The following ZBED6 variants were observed in gnomAD, a reference collection of about 807,000 sequenced individuals.
ZBED6 encodes the protein zinc finger BED-type containing 6, also known as zinc finger BED domain-containing protein 6.
ZBED6 carries 40 observed loss-of-function variants against 58.4 expected under a neutral mutation model. That is an observed-to-expected ratio of 0.68 (90% CI 0.53 to 0.89). The LOEUF is 0.89. ZBED6 is among the 40% of genes least tolerant of loss of function. The pLI, the probability that ZBED6 is intolerant of heterozygous loss-of-function variation, is 0.00. For missense variants in ZBED6, 1,057 were observed against 1,003.9 expected, an observed-to-expected ratio of 1.05 and a Z score of -0.71; for synonymous variants, 439 against 350.6, an observed-to-expected ratio of 1.25 and a Z score of -2.82.
chr1:203,804,818 G>A (rs1030435164), intron 1 of ZBED6, among the ~76,000 whole-genome samples: 6 of 151,516 alleles, frequency 4.0e-5, no homozygotes, highest in Middle Eastern at 3.4e-3. Flanking sequence ...GATTACAGGC[G>A]CATGCCACCA....
At chr1:203,805,911 C>G (rs958811989) in intron 1 of ZBED6, 2 of 678,836 alleles carry the variant, frequency 2.9e-6, no homozygotes, top group South Asian at 1.4e-5. Context: ...TTTTCACTTG[C>G]TTGTCTACCT....
intron 7 of ZBED6, among the ~76,000 whole-genome samples, chr1:203,830,578 C>T (rs769179246): frequency 5.3e-4 from 80 of 151,966 alleles, no homozygotes; most frequent in Admixed American, 1.1e-3. Context: ...TTTGGGAGGC[C>T]GAGGAGGGCG....
chr1:203,850,601 C>G, exon 15 of ZBED6: 2 of 1,614,094 alleles, frequency 1.2e-6, no homozygotes, highest in Non-Finnish European at 1.7e-6. Context: ...AGTGGAGATG[C>G]ACGCTGCTGT....
At chr1:203,852,387 G>A in exon 17 of ZBED6, 1 of 1,613,600 alleles carries the variant, frequency 6.2e-7, no homozygotes, top group Non-Finnish European at 8.5e-7. Flanking sequence ...TATCAGAAAT[G>A]ATTGATAGCT....
At chr1:203,828,170 T>TA (rs1681179622) in intron 3 of ZBED6, 129 bp from the exon 4 acceptor site, 1 of 1,083,940 alleles carries the variant, frequency 9.2e-7, no homozygotes, top group Non-Finnish European at 1.3e-6. Flanking sequence ...CTCTTCCTTC[T>TA]AAAAATCATC....
chr1:203,800,098 T>A (rs975828936), exon 1 of ZBED6: 13 of 1,535,994 alleles, frequency 8.5e-6, no homozygotes, highest in Non-Finnish European at 1.1e-5. Context: ...AAAAGCTTCA[T>A]GTTCCCTTCT....
exon 1 of ZBED6, chr1:203,796,147 A>G (rs1668406313): frequency 3.6e-6 from 1 of 279,490 alleles, no homozygotes; most frequent in Admixed American, 5.3e-5. Flanking sequence ...CCGAAAACCG[A>G]CTGTTCCCCC....
At chr1:203,797,967 G>A in exon 1 of ZBED6, 1 of 1,535,768 alleles carries the variant, frequency 6.5e-7, no homozygotes, top group Non-Finnish European at 8.7e-7. Flanking sequence ...CACCTGGCGG[G>A]CCATTTGTAA....
At chr1:203,796,475 C>T (rs953598202) in exon 1 of ZBED6, 21 of 399,034 alleles carry the variant, frequency 5.3e-5, no homozygotes, top group Non-Finnish European at 4.4e-5. Context: ...TAATGAAGAA[C>T]ACCCCTAAAC....
chr1:203,845,231 G>A (rs1030702616), intron 11 of ZBED6, among the ~76,000 whole-genome samples: 1 of 152,050 alleles, frequency 6.6e-6, no homozygotes, highest in African/African-American at 2.4e-5. Flanking sequence ...TGCTGGTGTG[G>A]ATTTATTTTA....
At chr1:203,825,076 CA>C (rs61108073) in intron 3 of ZBED6, among the ~76,000 whole-genome samples, 39 of 108,964 alleles carry the variant, frequency 3.6e-4, no homozygotes, top group Middle Eastern at 4.9e-3. Context: ...GACTCCGTCT[CA>C]AAAAAAAAAA....
chr1:203,824,472 G>A (rs893292872), intron 3 of ZBED6, among the ~76,000 whole-genome samples: 14 of 151,984 alleles, frequency 9.2e-5, no homozygotes, highest in Admixed American at 2.0e-4. Flanking sequence ...CCATATTTGC[G>A]AATTTGCCTA....
intron 1 of ZBED6, among the ~76,000 whole-genome samples, chr1:203,814,590 C>T (rs1049971635): frequency 6.6e-6 from 1 of 152,138 alleles, no homozygotes; most frequent in Non-Finnish European, 1.5e-5. Context: ...CTGACTGAAA[C>T]CTCACCATAA....
At chr1:203,812,578 A>ATTTTTTTTT (rs386369376) in intron 1 of ZBED6, among the ~76,000 whole-genome samples, 6 of 109,316 alleles carry the variant, frequency 5.5e-5, no homozygotes, top group African/African-American at 7.3e-5. Flanking sequence ...GCCATTCTAA[A>ATTTTTTTTT]TTTTTTTTTT....
intron 2 of ZBED6, 147 bp downstream of exon 2, chr1:203,817,271 G>T: frequency 3.5e-6 from 2 of 567,354 alleles, no homozygotes; most frequent in Non-Finnish European, 3.0e-6. Context: ...AAAGGATAAT[G>T]TATTTAGGGT....
At chr1:203,797,462 T>A (rs1668927546) in exon 1 of ZBED6, 3 of 1,407,614 alleles carry the variant, frequency 2.1e-6, no homozygotes, top group Non-Finnish European at 2.8e-6. Flanking sequence ...ACAGCTGTAT[T>A]TCTGCTTGAG....
intron 4 of ZBED6, 25 bp from the exon 5 acceptor site, chr1:203,829,426 T>C: frequency 6.2e-7 from 1 of 1,613,650 alleles, no homozygotes; most frequent in Non-Finnish European, 8.5e-7. Flanking sequence ...CTGTTTTTAA[T>C]TTATGACTGA....
At chr1:203,797,990 A>G (rs968720587) in exon 1 of ZBED6, 29 of 1,534,722 alleles carry the variant, frequency 1.9e-5, no homozygotes, top group Non-Finnish European at 2.4e-5. Flanking sequence ...TCTGTGAGAA[A>G]AGCGTCAGCA....
At chr1:203,846,717 A>G (rs1283354432) in intron 11 of ZBED6, among the ~76,000 whole-genome samples, 1 of 152,246 alleles carries the variant, frequency 6.6e-6, no homozygotes. Flanking sequence ...TGACAAATTT[A>G]TCCAACTAGT....
Sources: gnomAD v4.1 joint callset for allele counts (sites outside exome capture counted in the v4.1 genomes callset) on GRCh38, gnomAD v4.1.1 for gene constraint, MANE v1.5 for transcripts, NCBI Gene and HGNC (gene_info 2026-07-23, HGNC 2026-07-21) for gene names.